The following VPS13B variants were observed in gnomAD, a reference collection of about 807,000 sequenced individuals.
VPS13B encodes the protein intermembrane lipid transfer protein VPS13B.
VPS13B carries 285 observed loss-of-function variants against 426.4 expected under a neutral mutation model. That is an observed-to-expected ratio of 0.67 (90% CI 0.61 to 0.74). VPS13B has a LOEUF of 0.74. Among genes scored for constraint, VPS13B ranks in the 30% least tolerant of loss-of-function variants. The pLI, the probability that VPS13B is intolerant of heterozygous loss-of-function variation, is 0.00. For missense variants in VPS13B, 4,537 were observed against 4,782.6 expected, an observed-to-expected ratio of 0.95 and a Z score of 1.51; for synonymous variants, 1,676 against 1,676.4, an observed-to-expected ratio of 1.00 and a Z score of 0.01.
At chr8:99,690,229 G>A (rs913206413) in intron 35 of VPS13B, among the ~76,000 whole-genome samples, 6 of 152,078 alleles carry the variant, frequency 3.9e-5, no homozygotes, top group African/African-American at 1.4e-4. Context: ...AAATGTTGCT[G>A]ACATAACTAG....
At chr8:99,379,738 G>A (rs1039005265) in intron 19 of VPS13B, among the ~76,000 whole-genome samples, 10 of 151,886 alleles carry the variant, frequency 6.6e-5, no homozygotes, top group South Asian at 2.1e-4. Flanking sequence ...TTCTTTCTTC[G>A]TGTAATTCAC....
intron 19 of VPS13B, among the ~76,000 whole-genome samples, chr8:99,360,783 A>G (rs1244216283): frequency 1.3e-5 from 2 of 152,218 alleles, no homozygotes; most frequent in African/African-American, 4.8e-5. Flanking sequence ...GGAATTAACA[A>G]TGGAAGATAA....
At chr8:99,777,097 G>A (rs886217966) in intron 41 of VPS13B, 141 bp downstream of exon 41, 63 of 1,060,074 alleles carry the variant, frequency 5.9e-5, no homozygotes, top group Admixed American at 3.5e-4. Flanking sequence ...TTATCCTGGG[G>A]TTGACTTGGC....
chr8:99,130,570 T>G (rs1437634690), intron 8 of VPS13B, among the ~76,000 whole-genome samples: 2 of 152,030 alleles, frequency 1.3e-5, no homozygotes, highest in Non-Finnish European at 2.9e-5. Context: ...TGTATTTTTT[T>G]TAGTAGAGAC....
intron 4 of VPS13B, among the ~76,000 whole-genome samples, chr8:99,096,923 T>TAA (rs1366678991): frequency 1.1e-4 from 17 of 152,304 alleles, no homozygotes; most frequent in African/African-American, 3.6e-4. Context: ...CCCAAGGTAC[T>TAA]TTTATCTTGA....
chr8:99,309,601 G>A (rs1276820482), intron 19 of VPS13B, among the ~76,000 whole-genome samples: 1 of 152,162 alleles, frequency 6.6e-6, no homozygotes, highest in Non-Finnish European at 1.5e-5. Flanking sequence ...AGTATAGTTT[G>A]TAGTCACATA....
At chr8:99,536,907 A>G (rs758515132) in intron 30 of VPS13B, 1 of 454,290 alleles carries the variant, frequency 2.2e-6, no homozygotes, top group South Asian at 1.6e-5. Context: ...TAACATGCAT[A>G]GAGTTACAGA....
intron 3 of VPS13B, among the ~76,000 whole-genome samples, chr8:99,053,728 A>G (rs1843686143): frequency 1.4e-5 from 2 of 145,744 alleles, no homozygotes; most frequent in African/African-American, 5.1e-5. Flanking sequence ...TTTGATACAG[A>G]ATCTCACTTG....
chr8:99,446,655 A>AT (rs1384007084), intron 23 of VPS13B, among the ~76,000 whole-genome samples: 1 of 151,830 alleles, frequency 6.6e-6, no homozygotes, highest in Non-Finnish European at 1.5e-5. Flanking sequence ...TTTCTTTTCA[A>AT]TTGTGTCTAA....
At chr8:99,102,845 G>A in intron 4 of VPS13B, 108 bp from the exon 5 acceptor site, 1 of 1,134,180 alleles carries the variant, frequency 8.8e-7, no homozygotes. Flanking sequence ...TGGGAAATAT[G>A]CTAAATAATA....
chr8:99,280,192 T>G (rs1443841284), intron 19 of VPS13B, among the ~76,000 whole-genome samples: 2 of 152,162 alleles, frequency 1.3e-5, no homozygotes, highest in African/African-American at 4.8e-5. Flanking sequence ...ACATATACTG[T>G]TTTTTTCTGT....
chr8:99,864,165 GCCA>G (rs1816978977), intron 58 of VPS13B, among the ~76,000 whole-genome samples: 1 of 152,212 alleles, frequency 6.6e-6, no homozygotes, highest in Non-Finnish European at 1.5e-5. Flanking sequence ...TTATAGATTG[GCCA>G]CCATTTAATT....
chr8:99,150,507 AT>A lies in VPS13B; in HGVS notation c.2013+2499del, dbSNP rs1811013152. ...AACAATATCACATAGAGTAGTTTCA[AT>A]TCCCAAAAAATCCTTTGTGCTCTGC... On this transcript the variant is annotated intron_variant, in intron 14 of 61. Transcript: ENST00000357162. Among the ~76,000 whole-genome samples the A allele has an allele frequency of 2.6e-5, 4 of 152,288 alleles. No individual in the cohort carries two copies. The South Asian group carries it at 8.3e-4, about 32-fold the overall frequency.
At chr8:99,745,320 T>A (rs968525508) in intron 39 of VPS13B, among the ~76,000 whole-genome samples, 28 of 152,090 alleles carry the variant, frequency 1.8e-4, no homozygotes, top group Non-Finnish European at 3.7e-4. Flanking sequence ...TTGAAAAAAA[T>A]TCTGATGATT....
In VPS13B at chr8:99,511,356, A is replaced by G; in HGVS notation, c.4477A>G (p.Lys1493Glu). 11 of 1,614,006 alleles carry G rather than the reference A, an allele frequency of 6.8e-6. No homozygotes were observed. The highest frequency in any genetic ancestry group is 9.3e-6 in the Non-Finnish European group (11 of 1,179,978). Residue 1493 changes from lysine (K) to glutamate (E), a missense_variant, in exon 29 of 62, where the codon AAA becomes GAA. Coordinates refer to ENST00000357162, the MANE Select transcript of VPS13B (RefSeq NM_152564.5). The stretch of plus-strand genomic sequence containing the variant: ...TGCCATTGCAAGTATATTTCAAGCA[A>G]AACTACCAAAGACCCAAAAAGAGAA... ...LNAIASIFQA[K>E]LPKTQKEKRK... is the part of the protein sequence containing the mutation.
At chr8:99,575,242 C>A (rs538236596) in intron 31 of VPS13B, among the ~76,000 whole-genome samples, 5 of 151,866 alleles carry the variant, frequency 3.3e-5, no homozygotes, top group African/African-American at 1.2e-4. Context: ...TGCTTATGAC[C>A]CTAATGAGGT....
intron 19 of VPS13B, among the ~76,000 whole-genome samples, chr8:99,312,001 C>CT (rs1220257424): frequency 3.9e-5 from 6 of 152,002 alleles, no homozygotes; most frequent in African/African-American, 7.3e-5. Context: ...CAACCCCTGC[C>CT]TTTTTTTATT....
chr8:99,278,283 T>G (rs1411573795), intron 19 of VPS13B, among the ~76,000 whole-genome samples: 1 of 152,066 alleles, frequency 6.6e-6, no homozygotes, highest in Non-Finnish European at 1.5e-5. Context: ...GGAAGTGAGT[T>G]TTGAGAGGAG....
At chr8:99,221,874 A>C (rs1815744491) in intron 17 of VPS13B, among the ~76,000 whole-genome samples, 1 of 152,206 alleles carries the variant, frequency 6.6e-6, no homozygotes, top group South Asian at 2.1e-4. Flanking sequence ...ATGCCCAGCC[A>C]GTACCTCAGC....
Sources: allele counts gnomAD v4.1 joint callset (sites outside exome capture counted in the v4.1 genomes callset), GRCh38; gene constraint gnomAD v4.1.1; transcripts MANE v1.5; gene names NCBI Gene and HGNC (gene_info 2026-07-23, HGNC 2026-07-21).